TMEM117: variants seen among roughly 807,000 people sequenced by gnomAD.
TMEM117 encodes transmembrane protein 117.
TMEM117 carries 27 observed loss-of-function variants against 52.4 expected under a neutral mutation model. The observed-to-expected ratio is 0.51, with a 90% CI of 0.38 to 0.71. TMEM117 has a LOEUF of 0.71. Among genes scored for constraint, TMEM117 ranks in the 30% least tolerant of loss-of-function variants. The pLI is 0.00. For missense variants in TMEM117, 556 were observed against 630.5 expected (o/e 0.88, Z 1.26); for synonymous variants, 215 against 206.3 (o/e 1.04, Z -0.36).
At chr12:44,223,500 G>A (rs1219939285) in intron 5 of TMEM117, among the ~76,000 whole-genome samples, 1 of 151,306 alleles carries the variant, frequency 6.6e-6, no homozygotes, top group African/African-American at 2.4e-5. Flanking sequence ...CCCTCAGTTT[G>A]TATGACTATT....
chr12:44,028,236 G>A (rs767100334), intron 3 of TMEM117, among the ~76,000 whole-genome samples: 6 of 150,842 alleles, frequency 4.0e-5, no homozygotes, highest in South Asian at 2.1e-4. Flanking sequence ...TTTTTTTAAA[G>A]GCATTAAAAC....
the TMEM117 span, among the ~76,000 whole-genome samples, chr12:43,820,310 G>A: frequency 6.6e-6 from 1 of 151,860 alleles, no homozygotes; most frequent in Non-Finnish European, 1.5e-5. Context: ...GTCTCGCTCT[G>A]TCGCCCACGC....
chr12:43,944,960 A>C (rs1342464871), intron 3 of TMEM117, among the ~76,000 whole-genome samples: 2 of 151,934 alleles, frequency 1.3e-5, no homozygotes, highest in Non-Finnish European at 2.9e-5. Context: ...AAAATATAAA[A>C]ATTAGGTAGG....
chr12:43,986,655 A>G (rs1428960811), intron 3 of TMEM117, among the ~76,000 whole-genome samples: 2 of 152,168 alleles, frequency 1.3e-5, no homozygotes, highest in Non-Finnish European at 2.9e-5. Flanking sequence ...CTCAACCATT[A>G]TCTCTTTAAC....
the TMEM117 span, chr12:43,805,794 T>G: frequency 7.4e-7 from 1 of 1,358,914 alleles, no homozygotes; most frequent in South Asian, 1.1e-5. Flanking sequence ...CAAAGTCCTG[T>G]AATATTCTCC....
the TMEM117 span, among the ~76,000 whole-genome samples, chr12:43,812,443 C>G: frequency 6.6e-6 from 1 of 152,200 alleles, no homozygotes; most frequent in Non-Finnish European, 1.5e-5. Flanking sequence ...TCTCTTTACT[C>G]ACTGCAATGC....
intron 2 of TMEM117, among the ~76,000 whole-genome samples, chr12:43,878,933 TGAAA>T (rs1323154282): frequency 6.6e-6 from 1 of 152,184 alleles, no homozygotes; most frequent in Non-Finnish European, 1.5e-5. Context: ...AAATATCTAG[TGAAA>T]GAAGTTCCTG....
At chr12:44,296,423 C>G (rs1424992037) in intron 5 of TMEM117, among the ~76,000 whole-genome samples, 1 of 152,168 alleles carries the variant, frequency 6.6e-6, no homozygotes, top group Non-Finnish European at 1.5e-5. Flanking sequence ...CTGCCAGGTT[C>G]TTGATTGGGC....
intron 3 of TMEM117, among the ~76,000 whole-genome samples, chr12:43,996,904 A>T (rs1036883130): frequency 6.6e-6 from 1 of 152,168 alleles, no homozygotes; most frequent in Non-Finnish European, 1.5e-5. Context: ...TTCACTGGGC[A>T]TATTTGTTGG....
At chr12:44,189,319 G>C (rs1471303830) in intron 4 of TMEM117, among the ~76,000 whole-genome samples, 3 of 151,918 alleles carry the variant, frequency 2.0e-5, no homozygotes, top group African/African-American at 7.2e-5. Flanking sequence ...TTTTAATCCA[G>C]TGTTACTGCA....
intron 6 of TMEM117, among the ~76,000 whole-genome samples, chr12:44,335,525 G>T (rs181799429): frequency 1.3e-4 from 19 of 151,998 alleles, no homozygotes; most frequent in African/African-American, 4.1e-4. Flanking sequence ...TATATTCAGG[G>T]TCATCTAGTT....
intron 6 of TMEM117, among the ~76,000 whole-genome samples, chr12:44,363,563 A>T (rs1399034681): frequency 6.6e-6 from 1 of 152,196 alleles, no homozygotes; most frequent in African/African-American, 2.4e-5. Flanking sequence ...AAAAAGAAAA[A>T]TCATTAATTA....
rs114339083 is a variant in TMEM117, at chr12:43,960,296, G to A, written c.410+15954G>A. Among the ~76,000 whole-genome samples, 449 of 151,820 alleles carry A rather than the reference G, an allele frequency of 3.0e-3. 5 individuals are homozygous for A. The highest frequency in any genetic ancestry group is 0.01 in the African/African-American group (421 of 41,400). ...TGACCCAGGGAGGCCCTGGAGAGGG[G>A]GGTTGAGTAAGGGGAGAGGGAGAAG... On this transcript the variant is annotated intron_variant, in intron 3 of 7. Transcript: ENST00000266534.
intron 2 of TMEM117, among the ~76,000 whole-genome samples, chr12:43,882,460 C>CAAAAAAA: frequency 8.5e-6 from 1 of 117,236 alleles, no homozygotes; most frequent in Non-Finnish European, 1.7e-5. Flanking sequence ...AACTTCATCT[C>CAAAAAAA]AAAAAAAAAA....
chr12:43,864,795 G>C (rs989503251), intron 2 of TMEM117, among the ~76,000 whole-genome samples: 8 of 151,634 alleles, frequency 5.3e-5, no homozygotes, highest in African/African-American at 1.5e-4. Context: ...GAGCCAGCAG[G>C]GGGTCCACAC....
chr12:43,830,111 C>A, the TMEM117 span, among the ~76,000 whole-genome samples: 2 of 144,270 alleles, frequency 1.4e-5, no homozygotes, highest in Admixed American at 6.9e-5. Flanking sequence ...AAAAAAGGAA[C>A]TGTAGGGGGA....
At chr12:44,091,838 G>A (rs1947678128) in intron 3 of TMEM117, among the ~76,000 whole-genome samples, 1 of 152,146 alleles carries the variant, frequency 6.6e-6, no homozygotes, top group Non-Finnish European at 1.5e-5. Context: ...TGTTAGCCTC[G>A]AGAAAAATTC....
intron 1 of TMEM117, among the ~76,000 whole-genome samples, chr12:43,838,871 A>C (rs1027028830): frequency 6.6e-6 from 1 of 152,054 alleles, no homozygotes; most frequent in South Asian, 2.1e-4. Flanking sequence ...ATCAGGAATA[A>C]TTGAGAGAAT....
At chr12:44,062,369 TAA>T (rs1947153495) in intron 3 of TMEM117, among the ~76,000 whole-genome samples, 1 of 152,178 alleles carries the variant, frequency 6.6e-6, no homozygotes, top group Non-Finnish European at 1.5e-5. Flanking sequence ...CCAGTTTTCT[TAA>T]AAGAGACAGT....
Sources: gnomAD v4.1 joint callset for allele counts (sites outside exome capture counted in the v4.1 genomes callset) on GRCh38, gnomAD v4.1.1 for gene constraint, MANE v1.5 for transcripts, NCBI Gene and HGNC (gene_info 2026-07-23, HGNC 2026-07-21) for gene names.